Variants in APBA1 observed in about 807,000 individuals in gnomAD.
The protein encoded by APBA1 is amyloid-beta A4 precursor protein-binding family A member 1.
Under a neutral mutation model 86.6 loss-of-function variants are expected in APBA1, and 55 were observed. The observed-to-expected ratio is 0.64, with a 90% CI of 0.51 to 0.80. The LOEUF (loss-of-function observed/expected upper bound fraction) is 0.80. Among genes scored for constraint, APBA1 ranks in the 30% least tolerant of loss-of-function variants. The pLI is 0.00. For missense variants in APBA1, 1,090 were observed against 1,183.0 expected, an observed-to-expected ratio of 0.92 and a Z score of 1.15; for synonymous variants, 511 against 493.9, an observed-to-expected ratio of 1.03 and a Z score of -0.46.
At chr9:69,629,645 G>C (rs1170068015) in intron 1 of APBA1, among the ~76,000 whole-genome samples, 1 of 152,160 alleles carries the variant, frequency 6.6e-6, no homozygotes, top group Non-Finnish European at 1.5e-5. Flanking sequence ...TCTAGAGCCT[G>C]GGAGTTCAGT....
At chr9:69,616,682 A>G (rs968363164) in intron 1 of APBA1, among the ~76,000 whole-genome samples, 3 of 152,128 alleles carry the variant, frequency 2.0e-5, no homozygotes, top group African/African-American at 7.2e-5. Context: ...TGTTGCTCAA[A>G]TGTAGCTAAA....
chr9:69,529,725 A>G (rs1387732297), intron 1 of APBA1, among the ~76,000 whole-genome samples: 1 of 152,146 alleles, frequency 6.6e-6, no homozygotes, highest in Non-Finnish European at 1.5e-5. Flanking sequence ...TTGCTTTATT[A>G]AAAATAATGT....
At chr9:69,488,499 A>G (rs1320883164) in intron 2 of APBA1, among the ~76,000 whole-genome samples, 1 of 152,162 alleles carries the variant, frequency 6.6e-6, no homozygotes, top group African/African-American at 2.4e-5. Flanking sequence ...TTCTAACTGA[A>G]TCACTTCTTA....
At chr9:69,608,466 T>C (rs1411413933) in intron 1 of APBA1, among the ~76,000 whole-genome samples, 2 of 152,062 alleles carry the variant, frequency 1.3e-5, no homozygotes, top group Non-Finnish European at 2.9e-5. Flanking sequence ...TACCCAGATA[T>C]GAAAAGGCCT....
At chr9:69,517,323 G>A in intron 1 of APBA1, 44 bp from the exon 2 acceptor site, 1 of 1,386,138 alleles carries the variant, frequency 7.2e-7, no homozygotes, top group African/African-American at 1.5e-5. Context: ...GGTGCAAACA[G>A]TCGTTATGAG....
intron 1 of APBA1, among the ~76,000 whole-genome samples, chr9:69,544,529 TG>T (rs1836666441): frequency 6.6e-6 from 1 of 152,212 alleles, no homozygotes; most frequent in Non-Finnish European, 1.5e-5. Context: ...AGCTTTCTGT[TG>T]AACATCCCAG....
chr9:69,432,422 A>C, intron 12 of APBA1, 114 bp downstream of exon 12: 1 of 1,114,934 alleles, frequency 9.0e-7, no homozygotes. Context: ...AGTGTTCAGG[A>C]TTGGAAACTC....
At chr9:69,626,794 C>T (rs186876892) in intron 1 of APBA1, among the ~76,000 whole-genome samples, 173 of 151,958 alleles carry the variant, frequency 1.1e-3, no homozygotes, top group African/African-American at 3.9e-3. Context: ...CATTGCTATC[C>T]ACAAAAGCCA....
At chr9:69,539,592 G>A (rs1360904976) in intron 1 of APBA1, among the ~76,000 whole-genome samples, 1 of 152,182 alleles carries the variant, frequency 6.6e-6, no homozygotes, top group Non-Finnish European at 1.5e-5. Flanking sequence ...TCGCCAAAGT[G>A]TAAGTTAGAT....
intron 2 of APBA1, among the ~76,000 whole-genome samples, chr9:69,501,629 AAC>A (rs57033911): frequency 0.038 from 5,399 of 142,002 alleles, 123 homozygotes; most frequent in Middle Eastern, 0.088. Flanking sequence ...GTCTCTACAA[AAC>A]ACACACACAC....
intron 2 of APBA1, among the ~76,000 whole-genome samples, chr9:69,515,690 T>TGGGGGGGGGG (rs60382603): frequency 3.9e-4 from 43 of 110,796 alleles, no homozygotes; most frequent in South Asian, 7.0e-4. Context: ...AATCAGAAAC[T>TGGGGGGGGGG]GGGGGGGGGG....
intron 1 of APBA1, among the ~76,000 whole-genome samples, chr9:69,636,922 GGAAAGAAAGAAAGAAAGAAAGAAA>G (rs1164309911): frequency 9.4e-5 from 6 of 63,968 alleles, no homozygotes; most frequent in African/African-American, 2.7e-4. Context: ...AAGGAAGGAA[GGAAAGAAAGAAAGAAAGAAAGAAA>G]GAAAGAAAGA....
chr9:69,560,377 C>T (rs1031558091), intron 1 of APBA1, among the ~76,000 whole-genome samples: 1 of 152,114 alleles, frequency 6.6e-6, no homozygotes, highest in Non-Finnish European at 1.5e-5. Context: ...TGCCAGATGC[C>T]CATGCCCACA....
chr9:69,451,972 C>T (rs1835017285), intron 9 of APBA1, 150 bp downstream of exon 9: 10 of 733,378 alleles, frequency 1.4e-5, no homozygotes, highest in Admixed American at 9.7e-5. Context: ...CAGCAGGGAG[C>T]GAGAGATGGG....
At chr9:69,498,754 T>C (rs1835837986) in intron 2 of APBA1, among the ~76,000 whole-genome samples, 1 of 152,158 alleles carries the variant, frequency 6.6e-6, no homozygotes, top group Non-Finnish European at 1.5e-5. Flanking sequence ...AGAACAGTAG[T>C]CACAAACTCT....
intron 1 of APBA1, among the ~76,000 whole-genome samples, chr9:69,591,174 T>C (rs920185492): frequency 2.0e-5 from 3 of 152,214 alleles, no homozygotes; most frequent in African/African-American, 7.2e-5. Context: ...ACTTCCGATG[T>C]GAGGTCCTGA....
chr9:69,465,762 T>C (rs1383362721), intron 5 of APBA1, among the ~76,000 whole-genome samples: 2 of 152,142 alleles, frequency 1.3e-5, no homozygotes, highest in Admixed American at 1.3e-4. Context: ...GGGTAGGGGG[T>C]GGGGCTTCCC....
chr9:69,471,596 C>A, intron 4 of APBA1, 60 bp downstream of exon 4: 1 of 1,365,484 alleles, frequency 7.3e-7, no homozygotes, highest in Non-Finnish European at 1.0e-6. Flanking sequence ...GCTTCATATG[C>A]CCCAATGCTA....
At position 69,587,007 on chromosome 9, in the gene APBA1, T is replaced by C. The variant is rs1564084814; in HGVS notation, c.-69-69728A>G. On this transcript the variant is annotated intron_variant, in intron 1 of 12. Coordinates refer to ENST00000265381, the MANE Select transcript of APBA1 (RefSeq NM_001163.4). Reference sequence around the variant, plus strand: ...AAGGTAATTCAAGAAGAAAATATGGTCCATTGATCAGAGTGTTTAGAATTG... The same window carrying C: ...AAGGTAATTCAAGAAGAAAATATGGCCCATTGATCAGAGTGTTTAGAATTG... Among the ~76,000 whole-genome samples, 10 of 152,330 alleles carry C rather than the reference T, an allele frequency of 6.6e-5. No individual in the cohort carries two copies. In the South Asian group the frequency reaches 2.1e-3, roughly 32 times the overall value.
Sources: gnomAD v4.1 joint callset for allele counts (sites outside exome capture counted in the v4.1 genomes callset) on GRCh38, gnomAD v4.1.1 for gene constraint, MANE v1.5 for transcripts, NCBI Gene and HGNC (gene_info 2026-07-23, HGNC 2026-07-21) for gene names.